ADAMTSL1: variants seen among roughly 807,000 people sequenced by gnomAD.
The protein encoded by ADAMTSL1 is ADAMTS like 1.
A neutral mutation model predicts 201.8 loss-of-function variants in ADAMTSL1; 126 were observed. The observed-to-expected ratio is 0.62, with a 90% CI of 0.54 to 0.72. ADAMTSL1 has a LOEUF of 0.72. ADAMTSL1 is among the 30% of genes least tolerant of loss of function. The pLI, the probability that ADAMTSL1 is intolerant of heterozygous loss-of-function variation, is 0.00. For synonymous variants in ADAMTSL1, 1,121 were observed against 903.4 expected (o/e 1.24, Z -4.32); for missense variants, 2,679 against 2,277.8 (o/e 1.18, Z -3.59).
chr9:18,219,343 TTTTATTTA>T (rs57023892), intron 2 of ADAMTSL1, among the ~76,000 whole-genome samples: 10,004 of 145,418 alleles, frequency 0.069, 414 homozygotes, highest in Middle Eastern at 0.12. Flanking sequence ...TACATTTTAT[TTTTATTTA>T]TTTATTTATT....
chr9:18,583,871 C>G (rs1425076253), intron 4 of ADAMTSL1, among the ~76,000 whole-genome samples: 1 of 152,108 alleles, frequency 6.6e-6, no homozygotes, highest in Non-Finnish European at 1.5e-5. Flanking sequence ...CCAATTTCTC[C>G]CATTTGGAAT....
intron 4 of ADAMTSL1, among the ~76,000 whole-genome samples, chr9:18,588,211 G>C (rs1823643720): frequency 6.6e-6 from 1 of 152,180 alleles, no homozygotes; most frequent in Non-Finnish European, 1.5e-5. Flanking sequence ...GCATTTCCCT[G>C]ATGATTTGTA....
At chr9:18,099,277 T>C (rs751058096) in intron 1 of ADAMTSL1, among the ~76,000 whole-genome samples, 10 of 145,332 alleles carry the variant, frequency 6.9e-5, no homozygotes, top group Admixed American at 6.9e-5. Context: ...GAATCTCATT[T>C]TCTTTCCCGA....
At chr9:18,271,445 G>A (rs1219177870) in intron 2 of ADAMTSL1, among the ~76,000 whole-genome samples, 2 of 151,946 alleles carry the variant, frequency 1.3e-5, no homozygotes, top group Non-Finnish European at 2.9e-5. Flanking sequence ...TTGTCCTTGT[G>A]ATAGTTTACT....
chr9:18,079,475 G>A (rs973815580), intron 1 of ADAMTSL1, among the ~76,000 whole-genome samples: 1 of 151,972 alleles, frequency 6.6e-6, no homozygotes, highest in Non-Finnish European at 1.5e-5. Context: ...TCAGGAGACA[G>A]ATTGAGACCA....
rs536671309 is a variant in ADAMTSL1, at chr9:18,403,634, A to G, written c.208-101195A>G. Among the ~76,000 whole-genome samples, 5 of 152,284 alleles carry G rather than the reference A, an allele frequency of 3.3e-5. No homozygotes were observed. The East Asian group carries it at 9.7e-4, about 29-fold the overall frequency. On this transcript the variant is annotated intron_variant, in intron 2 of 29. Transcript: ENST00000680146. ...GGGTCATAGATAAATAAATGAATTA[A>G]TTAATAATTTTGGCACCCTAAAGAC...
At chr9:18,195,074 C>T (rs1025833977) in intron 2 of ADAMTSL1, among the ~76,000 whole-genome samples, 5 of 151,978 alleles carry the variant, frequency 3.3e-5, no homozygotes. Flanking sequence ...ATATGGGAAC[C>T]CTTAATATGG....
chr9:17,973,065 C>CTAT (rs1818281012), intron 1 of ADAMTSL1, among the ~76,000 whole-genome samples: 1 of 95,612 alleles, frequency 1.0e-5, no homozygotes, highest in Non-Finnish European at 2.2e-5. Flanking sequence ...TGGATATTAA[C>CTAT]CCTTTGTCAG....
At chr9:18,047,490 G>A (rs1821718367) in intron 1 of ADAMTSL1, among the ~76,000 whole-genome samples, 1 of 152,120 alleles carries the variant, frequency 6.6e-6, no homozygotes. Context: ...ATTCCTCTAA[G>A]GTATCAGAAG....
At chr9:18,002,935 G>A (rs986927225) in intron 1 of ADAMTSL1, among the ~76,000 whole-genome samples, 1 of 151,980 alleles carries the variant, frequency 6.6e-6, no homozygotes, top group Non-Finnish European at 1.5e-5. Context: ...CTGTGACTGC[G>A]GACCCACTGC....
At chr9:18,646,399 T>A (rs1290460776) in intron 7 of ADAMTSL1, among the ~76,000 whole-genome samples, 4 of 151,964 alleles carry the variant, frequency 2.6e-5, no homozygotes, top group African/African-American at 9.7e-5. Flanking sequence ...CCTGCCTAAT[T>A]GCCCTGGCCA....
chr9:18,211,326 AT>A (rs1454713949), intron 2 of ADAMTSL1, among the ~76,000 whole-genome samples: 3 of 152,022 alleles, frequency 2.0e-5, no homozygotes, highest in South Asian at 4.2e-4. Flanking sequence ...GCCCCCCTCC[AT>A]TTTTTCCCTA....
chr9:18,766,004 C>A (rs371711647), intron 16 of ADAMTSL1, among the ~76,000 whole-genome samples: 19 of 151,750 alleles, frequency 1.3e-4, no homozygotes, highest in African/African-American at 4.4e-4. Context: ...ACAGCAAATG[C>A]GAAGGCCCTG....
At position 18,290,390 on chromosome 9, in the gene ADAMTSL1, G is replaced by A. The variant is rs74938772; in HGVS notation, c.207+126409G>A. 5.1e-3 allele frequency among the ~76,000 whole-genome samples: 779 copies of A among 152,036 alleles called. 22 individuals carry two copies. Among genetic ancestry groups the A allele is most frequent in the Admixed American group, 0.046 (708 of 15,266 alleles). On this transcript the variant is annotated intron_variant, in intron 2 of 29. Coordinates refer to the ADAMTSL1 transcript ENST00000680146. ...GACGTGTATTCCCACTATTTGGTGTGCTGAGCCAATGTGAGTTCACCATAG... is the reference window on the plus strand; with the variant it reads ...GACGTGTATTCCCACTATTTGGTGTACTGAGCCAATGTGAGTTCACCATAG...
intron 1 of ADAMTSL1, among the ~76,000 whole-genome samples, chr9:17,953,926 T>G (rs1238955028): frequency 2.0e-5 from 3 of 152,182 alleles, no homozygotes; most frequent in Admixed American, 2.0e-4. Context: ...TGGAAATGGC[T>G]GGTCCCCTTG....
At chr9:17,974,225 A>C (rs532622058) in intron 1 of ADAMTSL1, among the ~76,000 whole-genome samples, 1 of 152,014 alleles carries the variant, frequency 6.6e-6, no homozygotes, top group African/African-American at 2.4e-5. Flanking sequence ...TATTCAACAT[A>C]GTGTTGGCAG....
intron 2 of ADAMTSL1, among the ~76,000 whole-genome samples, chr9:18,348,781 G>C (rs141643211): frequency 6.6e-6 from 1 of 152,128 alleles, no homozygotes; most frequent in East Asian, 1.9e-4. Context: ...CCTCAAAGTA[G>C]GTTCAATGTA....
intron 16 of ADAMTSL1, among the ~76,000 whole-genome samples, chr9:18,763,995 A>G (rs1167652685): frequency 6.6e-6 from 1 of 152,156 alleles, no homozygotes; most frequent in African/African-American, 2.4e-5. Context: ...TTGTGGTTCC[A>G]TATGAATTTT....
At chr9:18,772,660 T>C (rs1820762767) in intron 17 of ADAMTSL1, among the ~76,000 whole-genome samples, 1 of 152,212 alleles carries the variant, frequency 6.6e-6, no homozygotes, top group Non-Finnish European at 1.5e-5. Context: ...AAATATAATT[T>C]AATATATATT....
Sources: allele counts gnomAD v4.1 joint callset (sites outside exome capture counted in the v4.1 genomes callset), GRCh38; gene constraint gnomAD v4.1.1; transcripts MANE v1.5; gene names NCBI Gene and HGNC (gene_info 2026-07-23, HGNC 2026-07-21).